AKAP1: variants seen among roughly 807,000 people sequenced by gnomAD.
AKAP1 encodes the protein A-kinase anchoring protein 1.
Under a neutral mutation model 79.8 loss-of-function variants are expected in AKAP1, and 32 were observed. That is an observed-to-expected ratio of 0.40 (90% CI 0.30 to 0.54). The LOEUF (loss-of-function observed/expected upper bound fraction) is 0.54, where lower values mean the gene tolerates loss of function less well. AKAP1 is among the 20% of genes least tolerant of loss of function. The pLI is 0.47. For synonymous variants in AKAP1, 416 were observed against 466.7 expected (o/e 0.89, Z 1.40); for missense variants, 961 against 1,138.9 (o/e 0.84, Z 2.25).
intron 1 of AKAP1, chr17:57,094,515 A>C (rs1913976715): frequency 6.6e-6 from 1 of 152,032 alleles, no homozygotes; most frequent in Non-Finnish European, 1.5e-5. Context: ...AGGCCAGGCC[A>C]GCAGAAGGTC....
chr17:57,110,552 G>T (rs372181059), intron 3 of AKAP1, among the ~76,000 whole-genome samples: 96 of 152,250 alleles, frequency 6.3e-4, no homozygotes, highest in Middle Eastern at 3.4e-3. Context: ...ATTGAGCAAA[G>T]CATAAATCCA....
chr17:57,101,061 C>G (rs1298185759), intron 1 of AKAP1, among the ~76,000 whole-genome samples: 1 of 152,200 alleles, frequency 6.6e-6, no homozygotes, highest in Admixed American at 6.5e-5. Flanking sequence ...TTTTATTGGG[C>G]AGCCCCCAAA....
At chr17:57,094,399 A>T (rs1645961481) in intron 1 of AKAP1, 1 of 152,144 alleles carries the variant, frequency 6.6e-6, no homozygotes, top group Admixed American at 6.5e-5. Flanking sequence ...GGCCCACAAG[A>T]AGCCAGCCGA....
Position 57,120,341 on chromosome 17 carries a change from TGA to T in AKAP1, c.*21_*22del. 1 of 1,606,158 alleles carries T rather than the reference TGA, an allele frequency of 6.2e-7. No homozygotes were observed. On this transcript the variant is annotated 3_prime_UTR_variant, in exon 11 of 11. Coordinates refer to ENST00000337714, the MANE Select transcript of AKAP1 (RefSeq NM_003488.4). Reference sequence around the variant, plus strand: ...AGCCTTTGACCCCCATGCTGCTTCCTGAGAGTCTTTTTTTGCACTGTTGAAAT... The same window carrying T: ...AGCCTTTGACCCCCATGCTGCTTCCTGAGTCTTTTTTTGCACTGTTGAAAT...
At position 57,110,203 on chromosome 17, in the gene AKAP1, C is replaced by A. The variant is rs759359580; in HGVS notation, c.1848+45C>A. On this transcript the variant is annotated intron_variant, in intron 3 of 10. Coordinates refer to ENST00000337714, the MANE Select transcript of AKAP1 (RefSeq NM_003488.4). Reference sequence around the variant, plus strand: ...GGCTGGTTCTGTGGTAAGCCCAAAGCTCCCTGGGGCCAGGGCCATTAGACC... The same window carrying A: ...GGCTGGTTCTGTGGTAAGCCCAAAGATCCCTGGGGCCAGGGCCATTAGACC... The A allele has an allele frequency of 5.0e-6, 8 of 1,607,178 alleles. No homozygotes were observed. In the Admixed American group the frequency reaches 6.7e-5, roughly 14 times the overall value.
chr17:57,102,807 A>C (rs1914607535), intron 1 of AKAP1, among the ~76,000 whole-genome samples: 1 of 152,094 alleles, frequency 6.6e-6, no homozygotes, highest in Non-Finnish European at 1.5e-5. Context: ...ATAGTAATTC[A>C]TTTGGCTGGG....
chr17:57,118,951 C>G, intron 9 of AKAP1, 31 bp from the exon 10 acceptor site: 1 of 1,606,120 alleles, frequency 6.2e-7, no homozygotes, highest in Non-Finnish European at 8.5e-7. Context: ...CAAAACCTAA[C>G]CATATTATTC....
Position 57,116,132 on chromosome 17 carries a change from C to G in AKAP1, c.2303C>G (p.Pro768Arg). Residue 768 changes from proline (P) to arginine (R), a missense_variant, in exon 7 of 11, where the codon CCT (proline) becomes CGT (arginine). Pro to Arg is a moderately radical substitution (Grantham distance 103). Around this residue, in one of 3 missense-constraint regions of AKAP1, gnomAD observed 629 missense variants for 781.1 expected, o/e 0.81. Coordinates refer to ENST00000337714, the MANE Select transcript of AKAP1 (RefSeq NM_003488.4). ...PVEITVICAAPGADGAWWRAQ... is the reference protein window; with the variant it reads ...PVEITVICAARGADGAWWRAQ... ...GCAGTAACGGTCATCTGTGCCGCCC[C>G]TGGTGCGGACGGGGCCTGGTGGCGA... 1.2e-6 allele frequency: 2 copies of G among 1,613,668 alleles called. No individual in the cohort carries two copies. Among genetic ancestry groups the G allele is most frequent in the Non-Finnish European group, 1.7e-6 (2 of 1,180,012 alleles).
intron 1 of AKAP1, among the ~76,000 whole-genome samples, chr17:57,088,809 G>T (rs1412730298): frequency 6.6e-6 from 1 of 152,128 alleles, no homozygotes; most frequent in Non-Finnish European, 1.5e-5. Flanking sequence ...TTCTGTCCGG[G>T]TCTTCACCAT....
intron 1 of AKAP1, among the ~76,000 whole-genome samples, chr17:57,097,968 C>G (rs1002534104): frequency 2.0e-5 from 3 of 152,238 alleles, no homozygotes; most frequent in Non-Finnish European, 4.4e-5. Flanking sequence ...GACCAACACT[C>G]TCTGTACCAT....
intron 9 of AKAP1, 80 bp downstream of exon 9, chr17:57,118,534 C>T (rs1915729707): frequency 6.9e-7 from 1 of 1,454,380 alleles, no homozygotes; most frequent in South Asian, 1.1e-5. Context: ...TTTCCTGTGG[C>T]TTGGCCCTGG....
chr17:57,086,194 C>G lies in AKAP1; in HGVS notation c.-25+796C>G. 2 of 322,108 alleles carry G rather than the reference C, an allele frequency of 6.2e-6. No individual in the cohort carries two copies. The highest frequency in any genetic ancestry group is 2.2e-5 in the South Asian group (1 of 45,520). 20.0% of individuals were successfully genotyped at this position (322,108 alleles called of 1,614,324 possible). A position where few individuals can be genotyped will look rare whatever the true frequency, so the allele number is the denominator to read the frequency against. ...CCGACCTCACGCCCGGGGGCCCCGA[C>G]GGTCACGTGTCCGGCCCCGCCTGCG... On this transcript the variant is annotated intron_variant, in intron 1 of 10. Transcript: ENST00000337714. The surrounding 1 kb of genome is among the most constrained non-coding windows in gnomAD (Gnocchi z 5.1).
rs966991756 is a variant in AKAP1 at position 57,086,506 on chromosome 17, C to T, written c.-25+1108C>T. The T allele has an allele frequency of 2.2e-6, 1 of 450,762 alleles. No homozygotes were observed. Among genetic ancestry groups the T allele is most frequent in the African/African-American group, 2.0e-5 (1 of 49,716 alleles). 27.9% of individuals were successfully genotyped at this position (450,762 alleles called of 1,614,324 possible). ...CTGGGTGGCGGCGCCTTCCTGCCGC[C>T]GTTAACACAAACCCGGTGGACTTCG... On this transcript the variant is annotated intron_variant, in intron 1 of 10. Transcript: ENST00000337714. This position sits in a 1 kb window ranked among gnomAD's most constrained non-coding sequence, Gnocchi z 5.1.
intron 4 of AKAP1, 36 bp downstream of exon 4, chr17:57,111,960 TG>T: frequency 6.3e-7 from 1 of 1,596,528 alleles, no homozygotes; most frequent in Non-Finnish European, 8.6e-7. Flanking sequence ...GCCTCTTACC[TG>T]AAATATTAAA....
At chr17:57,087,767 T>A (rs902133561) in intron 1 of AKAP1, among the ~76,000 whole-genome samples, 3 of 152,204 alleles carry the variant, frequency 2.0e-5, no homozygotes, top group Non-Finnish European at 2.9e-5. Flanking sequence ...CGAATTGGTT[T>A]CCCTAAGCTT....
At position 57,114,560 on chromosome 17, in the gene AKAP1, G is replaced by A. The variant is rs73317574; in HGVS notation, c.2205G>A (p.Ala735=). ...VQQHTHPTFH[A]LRSLDQQMYL... is the part of the protein sequence containing the mutation. ...AGCACACACACCCTACCTTCCACGC[G>A]CTGCGCAGCCTCGACCAGCAGATGT... The change falls in exon 6 of 11, where the codon GCG becomes GCA. Residue 735 remains alanine (A), a synonymous_variant. Transcript: ENST00000337714. The A allele has an allele frequency of 7.6e-4, 1,227 of 1,614,142 alleles. 4 individuals are homozygous for A. In the African/African-American group the frequency reaches 8.5e-3, roughly 11 times the overall value.
At chr17:57,111,966 A>G (rs1915274688) in intron 4 of AKAP1, 42 bp downstream of exon 4, 5 of 1,595,408 alleles carry the variant, frequency 3.1e-6, no homozygotes, top group Non-Finnish European at 4.3e-6. Context: ...TACCTGAAAT[A>G]TTAAATAGAA....
intron 1 of AKAP1, among the ~76,000 whole-genome samples, chr17:57,099,219 A>G (rs1188469598): frequency 2.0e-5 from 3 of 152,136 alleles, no homozygotes; most frequent in Non-Finnish European, 4.4e-5. Flanking sequence ...TCACATCTCT[A>G]GGCACAATTC....
intron 1 of AKAP1, among the ~76,000 whole-genome samples, chr17:57,100,655 G>A (rs78537744): frequency 0.02 from 3,114 of 152,108 alleles, 119 homozygotes; most frequent in African/African-American, 0.072. Flanking sequence ...CAAACTGACC[G>A]GATGAAAACC....
Sources: allele counts gnomAD v4.1 joint callset (sites outside exome capture counted in the v4.1 genomes callset), GRCh38; gene constraint gnomAD v4.1.1; regional missense constraint gnomAD v4.1.1; non-coding constraint Gnocchi (gnomAD v3.1); transcripts MANE v1.5; gene names NCBI Gene and HGNC (gene_info 2026-07-23, HGNC 2026-07-21).